OXTR: variants seen among roughly 807,000 people sequenced by gnomAD.
OXTR encodes the protein oxytocin receptor.
OXTR carries 19 observed loss-of-function variants against 23.9 expected under a neutral mutation model. The observed-to-expected ratio is 0.80, with a 90% CI of 0.56 to 1.17. The LOEUF (loss-of-function observed/expected upper bound fraction) is 1.17. Among genes scored for constraint, OXTR ranks in the 50% most tolerant of loss-of-function variants. The pLI, the probability that OXTR is intolerant of heterozygous loss-of-function variation, is 0.00. For missense variants in OXTR, 500 were observed against 550.7 expected (o/e 0.91, Z 0.92); for synonymous variants, 278 against 250.5 (o/e 1.11, Z -1.04).
In OXTR at chr3:8,768,626, TC is replaced by T. The variant is rs1698318016; in HGVS notation, c.-238-36del. The T allele has an allele frequency of 6.3e-6, 1 of 158,680 alleles. No individual in the cohort carries two copies. Among genetic ancestry groups the T allele is most frequent in the Admixed American group, 6.5e-5 (1 of 15,404 alleles). The allele number at this position is 158,680 out of a possible 1,614,324, so 9.8% of individuals were successfully genotyped here. ...AAGGGAGGGTCAAAATCAGCAACGT[TC>T]CTCCGGGAGTGGGAATCTAAAACCA... On this transcript the variant is annotated intron_variant, in intron 1 of 3. Coordinates refer to ENST00000316793, the MANE Select transcript of OXTR (RefSeq NM_000916.4). This position sits in a 1 kb window ranked among gnomAD's most constrained non-coding sequence, Gnocchi z 5.4.
At chr3:8,744,449 T>A in the OXTR span, among the ~76,000 whole-genome samples, 3 of 95,736 alleles carry the variant, frequency 3.1e-5, no homozygotes, top group Non-Finnish European at 7.6e-5. Context: ...CGGCTAATTT[T>A]TTTTTTTTTT....
At chr3:8,748,806 ACAGCCTGCATTGT>A (rs1326654093), downstream of OXTR, among the ~76,000 whole-genome samples, 1 of 152,252 alleles carries the variant, frequency 6.6e-6, no homozygotes, top group Non-Finnish European at 1.5e-5. Context: ...TTCTTAAAAG[ACAGCCTGCATTGT>A]CCCCTTACAT....
In OXTR at chr3:8,769,391, T is replaced by A. The variant is rs200393087; in HGVS notation, c.-399A>T. On this transcript the variant is annotated 5_prime_UTR_variant, in exon 1 of 4. Transcript: ENST00000316793. ...CTGAGGTCTCTCACTGGAGCCTCGG[T>A]TGGAATCCCCTCGCCGCAGCCTGGC... The A allele has an allele frequency of 1.3e-5, 2 of 152,286 alleles. No individual in the cohort carries two copies. Among genetic ancestry groups the A allele is most frequent in the African/African-American group, 4.8e-5 (2 of 41,456 alleles). 9.4% of individuals were successfully genotyped at this position (152,286 alleles called of 1,614,324 possible).
At position 8,767,730 on chromosome 3, in the gene OXTR, T is replaced by G; in HGVS notation, c.458A>C (p.Asp153Ala). 1 of 1,609,822 alleles carries G rather than the reference T, an allele frequency of 6.2e-7. No individual in the cohort carries two copies. The highest frequency in any genetic ancestry group is 8.5e-7 in the Non-Finnish European group (1 of 1,178,202). The change falls in exon 3 of 4, where the codon GAC becomes GCC. Residue 153 changes from aspartate (D) to alanine (A), a missense_variant. Transcript: ENST00000316793. Reference sequence around the variant, plus strand: ...CCACGTGGCGAGCACTGCCAGGCGGTCGGTGCGGCGGCGCAGCGAGCGCAG... The same window carrying G: ...CCACGTGGCGAGCACTGCCAGGCGGGCGGTGCGGCGGCGCAGCGAGCGCAG... ...QPLRSLRRRTDRLAVLATWLG... is the reference protein window; with the variant it reads ...QPLRSLRRRTARLAVLATWLG...
chr3:8,755,005 CACTGGTTTTA>C (rs1228280196), intron 3 of OXTR, among the ~76,000 whole-genome samples: 1 of 152,000 alleles, frequency 6.6e-6, no homozygotes, highest in Non-Finnish European at 1.5e-5. Flanking sequence ...TTACTAAATT[CACTGGTTTTA>C]ACAAAAAATA....
intron 3 of OXTR, among the ~76,000 whole-genome samples, chr3:8,760,778 T>G (rs1383385900): frequency 6.6e-6 from 1 of 152,052 alleles, no homozygotes; most frequent in Non-Finnish European, 1.5e-5. Flanking sequence ...TTAGCAAAGG[T>G]GCAAAGACAG....
chr3:8,767,474 C>T lies in OXTR; in HGVS notation c.714G>A (p.Ala238=). The T allele has an allele frequency of 6.2e-7, 1 of 1,603,934 alleles. No individual in the cohort carries two copies. Residue 238 remains alanine (A), a synonymous_variant, in exon 3 of 4, where the codon GCG becomes GCA. Transcript: ENST00000316793. ...WQNLRLKTAA[A]AAAEAPEGAA... Reference sequence around the variant, plus strand: ...CGCCCTCTGGCGCCTCGGCCGCCGCCGCTGCAGCGGTCTTGAGCCGCAAGT... The same window carrying T: ...CGCCCTCTGGCGCCTCGGCCGCCGCTGCTGCAGCGGTCTTGAGCCGCAAGT...
chr3:8,760,641 T>TA (rs1708464390), intron 3 of OXTR, among the ~76,000 whole-genome samples: 1 of 152,200 alleles, frequency 6.6e-6, no homozygotes, highest in Non-Finnish European at 1.5e-5. Flanking sequence ...ACCCTGTTCA[T>TA]AGACCATGAG....
At position 8,768,121 on chromosome 3, in the gene OXTR, C is replaced by A; in HGVS notation, c.67G>T (p.Ala23Ser). 1 of 1,362,030 alleles carries A rather than the reference C, an allele frequency of 7.3e-7. No individual in the cohort carries two copies. Among genetic ancestry groups the A allele is most frequent in the Non-Finnish European group, 9.4e-7 (1 of 1,065,144 alleles). The allele number at this position is 1,362,030 out of a possible 1,614,324, so 84.4% of individuals were successfully genotyped here. A position where few individuals can be genotyped will look rare whatever the true frequency, so the allele number is the denominator to read the frequency against. Reference sequence around the variant, plus strand: ...GGTCCGGCGGTGCGGTTGCCCTCGGCCCCCGGCGGCGCGGCGCTGGCGTTG... The same window carrying A: ...GGTCCGGCGGTGCGGTTGCCCTCGGACCCCGGCGGCGCGGCGCTGGCGTTG... Reference protein sequence around the residue: ...AANASAAPPGAEGNRTAGPPR... With the variant: ...AANASAAPPGSEGNRTAGPPR... Residue 23 changes from alanine (A) to serine (S), a missense_variant, in exon 3 of 4, where the codon GCC becomes TCC. Transcript: ENST00000316793. The surrounding 1 kb of genome is among the most constrained non-coding windows in gnomAD (Gnocchi z 5.4).
rs201379765 is a variant in OXTR at position 8,767,517 on chromosome 3, C to A, written c.671G>T (p.Ser224Ile). Residue 224 changes from serine (S) to isoleucine (I), a missense_variant, in exon 3 of 4, where the codon AGC becomes ATC. Transcript: ENST00000316793. ...CCGCAAGTTCTGCCAGATCTTGAAGCTGATAAGGCCGTAGCAGGCAGCGAG... is the reference window on the plus strand; with the variant it reads ...CCGCAAGTTCTGCCAGATCTTGAAGATGATAAGGCCGTAGCAGGCAGCGAG... ...IVLAACYGLI[S>I]FKIWQNLRLK... 8 of 1,612,502 alleles carry A rather than the reference C, an allele frequency of 5.0e-6. No individual in the cohort carries two copies. In the African/African-American group the frequency reaches 9.3e-5, roughly 19 times the overall value.
rs139574523 is a variant in OXTR at position 8,760,726 on chromosome 3, G to T, written c.922+6540C>A. Among the ~76,000 whole-genome samples the T allele has an allele frequency of 7.2e-3, 1,098 of 152,338 alleles. 5 individuals are homozygous for T. The highest frequency in any genetic ancestry group is 0.024 in the African/African-American group (988 of 41,574). On this transcript the variant is annotated intron_variant, in intron 3 of 3. Transcript: ENST00000316793. ...CTTGGGCTTCAAAGGATGGGAATCCGTGGAAGAAACTGGGGTGGGCGTTCC... is the reference window on the plus strand; with the variant it reads ...CTTGGGCTTCAAAGGATGGGAATCCTTGGAAGAAACTGGGGTGGGCGTTCC...
the OXTR span, among the ~76,000 whole-genome samples, chr3:8,744,275 A>ATTTTTTTTTTTTT: frequency 8.3e-6 from 1 of 120,860 alleles, no homozygotes; most frequent in African/African-American, 3.6e-5. Context: ...GACCAGTGGA[A>ATTTTTTTTTTTTT]TTTTTTTTTT....
In OXTR at chr3:8,767,318, A is replaced by G. The variant is rs1708630578; in HGVS notation, c.870T>C (p.Pro290=). Residue 290 remains proline (P), a synonymous_variant, in exon 3 of 4, where the codon CCT becomes CCC. Coordinates refer to ENST00000316793, the MANE Select transcript of OXTR (RefSeq NM_000916.4). ...CGCTCCACATCTGCACGAAGAAGAA[A>G]GGCGTCCAGCACACGATGAAGGCCA... ...IVLAFIVCWT[P]FFFVQMWSVW... is the part of the protein sequence containing the mutation. 1.3e-6 allele frequency: 2 copies of G among 1,598,022 alleles called. No individual in the cohort carries two copies. The highest frequency in any genetic ancestry group is 1.7e-4 in the Middle Eastern group (1 of 6,018).
chr3:8,744,382 C>T, the OXTR span, among the ~76,000 whole-genome samples: 1 of 150,652 alleles, frequency 6.6e-6, no homozygotes, highest in South Asian at 2.1e-4. Flanking sequence ...GGGTTTATGC[C>T]GTTCTCCTTC....
rs774850560 is a variant in OXTR at position 8,753,224 on chromosome 3, G to C, written c.923C>G (p.Ala308Gly). Residue 308 changes from alanine (A) to glycine (G), a missense_variant and splice_region_variant, in exon 4 of 4, where the codon GCC (alanine) becomes GGC (glycine). Ala to Gly is a moderately conservative substitution (Grantham distance 60). Coordinates refer to ENST00000316793, the MANE Select transcript of OXTR (RefSeq NM_000916.4). ...GAGCATGACGATGATGAAGGCCGAG[G>C]CTGAGGGGGTGGGGGCAGGAGAAAG... ...SVWDANAPKE[A>G]SAFIIVMLLA... 4 of 1,613,968 alleles carry C rather than the reference G, an allele frequency of 2.5e-6. No homozygotes were observed. The East Asian group carries it at 8.9e-5, about 36-fold the overall frequency.
chr3:8,762,957 C>T (rs150907123), intron 3 of OXTR, among the ~76,000 whole-genome samples: 9 of 152,330 alleles, frequency 5.9e-5, no homozygotes, highest in South Asian at 4.1e-4. Flanking sequence ...CCATTTTCCA[C>T]GTATTTGGCA....
intron 3 of OXTR, among the ~76,000 whole-genome samples, chr3:8,757,446 A>C (rs1708395517): frequency 6.6e-6 from 1 of 151,776 alleles, no homozygotes; most frequent in African/African-American, 2.4e-5. Context: ...AAAAAAAACA[A>C]AAAACAAAAA....
At chr3:8,749,616 C>T (rs562514117), downstream of OXTR, among the ~76,000 whole-genome samples, 1 of 152,172 alleles carries the variant, frequency 6.6e-6, no homozygotes, top group South Asian at 2.1e-4. Flanking sequence ...CTGTTAGCTT[C>T]CCAAAGAGCA....
chr3:8,756,394 C>A (rs957338159), intron 3 of OXTR, among the ~76,000 whole-genome samples: 4 of 152,156 alleles, frequency 2.6e-5, no homozygotes, highest in African/African-American at 9.7e-5. Context: ...CACAGCAAGT[C>A]ACCCTGTGTT....
Sources: allele counts gnomAD v4.1 joint callset (sites outside exome capture counted in the v4.1 genomes callset), GRCh38; gene constraint gnomAD v4.1.1; non-coding constraint Gnocchi (gnomAD v3.1); transcripts MANE v1.5; gene names NCBI Gene and HGNC (gene_info 2026-07-23, HGNC 2026-07-21).